Variants in FAM149A observed in about 807,000 individuals in gnomAD.
FAM149A encodes protein FAM149A.
A neutral mutation model predicts 78.2 loss-of-function variants in FAM149A; 71 were observed. The ratio of observed to expected loss-of-function variants is 0.91; its 90% CI spans 0.75 to 1.11. The LOEUF (loss-of-function observed/expected upper bound fraction) is 1.11, where lower values mean the gene tolerates loss of function less well. FAM149A is among the 50% of genes least tolerant of loss of function. The pLI is 0.00. For missense variants in FAM149A, 1,036 were observed against 971.0 expected (o/e 1.07, Z -0.89); for synonymous variants, 446 against 410.5 (o/e 1.09, Z -1.04).
intron 1 of FAM149A, chr4:186,117,585 G>A (rs2099314277): frequency 3.2e-5 from 32 of 985,320 alleles, no homozygotes; most frequent in Non-Finnish European, 3.7e-5. Context: ...AGCAGTGTGA[G>A]CAAAGCCGTG....
At chr4:186,130,270 T>TCTCC (rs1349986207) in intron 1 of FAM149A, 133 of 30,760 alleles carry the variant, frequency 4.3e-3, no homozygotes, top group African/African-American at 0.022. Flanking sequence ...GAAATCTCTC[T>TCTCC]CTCTCTCTCT....
intron 1 of FAM149A, among the ~76,000 whole-genome samples, chr4:186,139,895 C>T (rs2099325074): frequency 6.6e-6 from 1 of 152,140 alleles, no homozygotes. Flanking sequence ...ACTGCTCGTA[C>T]TGGATAAATG....
At chr4:186,131,878 C>T in intron 1 of FAM149A, 1 of 985,040 alleles carries the variant, frequency 1.0e-6, no homozygotes, top group Non-Finnish European at 1.2e-6. Context: ...TTAATCAAAA[C>T]AGACCATTTA....
chr4:186,122,539 T>C (rs1348650098), intron 1 of FAM149A, among the ~76,000 whole-genome samples: 1 of 152,170 alleles, frequency 6.6e-6, no homozygotes, highest in African/African-American at 2.4e-5. Flanking sequence ...GCAACTTCCT[T>C]TCAAATGGTC....
rs141403092 is a variant in FAM149A at position 186,143,149 on chromosome 4, C to CTT, written c.567-6000_567-5999dup. ...TAAATGACTTTGTGTTCGATTTTTA[C>CTT]TTTTTTTTTTTTTTTTTTTTTTTTT... On this transcript the variant is annotated intron_variant, in intron 1 of 13. Coordinates refer to ENST00000389354, the MANE Select transcript of FAM149A (RefSeq NM_001367768.3). 1.4e-3 allele frequency among the ~76,000 whole-genome samples: 116 copies of CTT among 85,024 alleles called. 1 individual carries two copies. Among genetic ancestry groups the CTT allele is most frequent in the East Asian group, 2.9e-3 (7 of 2,436 alleles). 55.8% of individuals were successfully genotyped at this position (85,024 alleles called of 152,430 possible). A position where few individuals can be genotyped will look rare whatever the true frequency, so the allele number is the denominator to read the frequency against.
At chr4:186,125,042 T>G (rs975735489) in intron 1 of FAM149A, among the ~76,000 whole-genome samples, 3 of 152,350 alleles carry the variant, frequency 2.0e-5, no homozygotes, top group South Asian at 2.1e-4. Context: ...TCATGTGTCT[T>G]TTGGCTGCAT....
rs1734020106 is a variant in FAM149A at position 186,156,170 on chromosome 4, A to G, written c.1400A>G (p.His467Arg). 3 of 1,612,726 alleles carry G rather than the reference A, an allele frequency of 1.9e-6. No individual in the cohort carries two copies. The highest frequency in any genetic ancestry group is 8.5e-7 in the Non-Finnish European group (1 of 1,179,532). ...CTTTTGGAAGAGCTGATTAGAAAAC[A>G]CTGGGAAACTACACTCACAGGTACT... The change falls in exon 7 of 14, where the codon CAC (histidine) becomes CGC (arginine). Residue 467 changes from histidine (H) to arginine (R), a missense_variant. Around this residue, in one of 3 missense-constraint regions of FAM149A, gnomAD observed 716 missense variants for 711.8 expected, o/e 1.01. Transcript: ENST00000389354.
chr4:186,136,938 C>A (rs1032782416), intron 1 of FAM149A, among the ~76,000 whole-genome samples: 3 of 81,060 alleles, frequency 3.7e-5, no homozygotes, highest in Non-Finnish European at 7.3e-5. Flanking sequence ...ACTGATTGAT[C>A]TCTCTCTCTC....
chr4:186,154,181 T>A (rs1247414063), intron 5 of FAM149A, among the ~76,000 whole-genome samples: 1 of 152,192 alleles, frequency 6.6e-6, no homozygotes, highest in African/African-American at 2.4e-5. Flanking sequence ...TCTATGCCAT[T>A]CACACATATT....
At chr4:186,134,133 C>T (rs536693473) in intron 1 of FAM149A, among the ~76,000 whole-genome samples, 1 of 152,314 alleles carries the variant, frequency 6.6e-6, no homozygotes, top group South Asian at 2.1e-4. Flanking sequence ...TTCACCAAAA[C>T]TTACTTTCTT....
Position 186,156,195 on chromosome 4 carries a change from T to C in FAM149A, c.1420+5T>C. ...ACTGGGAAACTACACTCACAGGTACTTACATGCAGAATTTAGCTTAATGAA... is the reference window on the plus strand; with the variant it reads ...ACTGGGAAACTACACTCACAGGTACCTACATGCAGAATTTAGCTTAATGAA... On this transcript the variant is annotated splice_donor_5th_base_variant and intron_variant, in intron 7 of 13. Transcript: ENST00000389354. 6.2e-7 allele frequency: 1 copy of C among 1,605,712 alleles called. No homozygotes were observed. The highest frequency in any genetic ancestry group is 1.1e-5 in the South Asian group (1 of 89,416).
chr4:186,158,364 C>A, intron 8 of FAM149A: 2 of 1,203,898 alleles, frequency 1.7e-6, no homozygotes, highest in Non-Finnish European at 2.1e-6. Context: ...AAGTCGCCAT[C>A]CCGTGCAACA....
intron 1 of FAM149A, 76 bp from the exon 2 acceptor site, chr4:186,149,097 G>A: frequency 8.4e-7 from 1 of 1,186,964 alleles, no homozygotes; most frequent in Non-Finnish European, 1.1e-6. Context: ...GTATAAAAGA[G>A]AAATTTTAAA....
intron 13 of FAM149A, chr4:186,169,815 G>A (rs990300126): frequency 1.6e-5 from 16 of 985,270 alleles, no homozygotes; most frequent in African/African-American, 5.2e-5. Context: ...CCCAGGGAAC[G>A]GTCCATGCCA....
chr4:186,132,308 G>A, intron 1 of FAM149A: 7 of 788,944 alleles, frequency 8.9e-6, no homozygotes, highest in Non-Finnish European at 1.1e-5. Flanking sequence ...AAAAGCTACA[G>A]TAAATAAGAC....
intron 1 of FAM149A, chr4:186,116,847 C>CATGCTTG: frequency 3.8e-6 from 3 of 792,516 alleles, no homozygotes; most frequent in Non-Finnish European, 4.6e-6. Flanking sequence ...AAGCATGGCC[C>CATGCTTG]TTGTGCCAAG....
At chr4:186,106,500 A>G (rs1196308841) in intron 1 of FAM149A, among the ~76,000 whole-genome samples, 1 of 152,206 alleles carries the variant, frequency 6.6e-6, no homozygotes, top group African/African-American at 2.4e-5. Flanking sequence ...AGATGAGCCA[A>G]TTCACAGACT....
chr4:186,110,236 G>T, intron 1 of FAM149A: 1 of 985,366 alleles, frequency 1.0e-6, no homozygotes, highest in Non-Finnish European at 1.2e-6. Flanking sequence ...CCCAGGGGCA[G>T]TTTAAATGTC....
chr4:186,157,922 T>C (rs752634368), intron 8 of FAM149A: 95 of 1,531,620 alleles, frequency 6.2e-5, no homozygotes, highest in Non-Finnish European at 8.2e-5. Context: ...ACGTCCTGCC[T>C]ATGAAGGACG....
Sources: allele counts gnomAD v4.1 joint callset (sites outside exome capture counted in the v4.1 genomes callset), GRCh38; gene constraint gnomAD v4.1.1; regional missense constraint gnomAD v4.1.1; transcripts MANE v1.5; gene names NCBI Gene and HGNC (gene_info 2026-07-23, HGNC 2026-07-21).